JAZF1: variants seen among roughly 807,000 people sequenced by gnomAD.
JAZF1 encodes the protein juxtaposed with another zinc finger protein 1.
JAZF1 carries 8 observed loss-of-function variants against 26.4 expected under a neutral mutation model. The observed-to-expected ratio is 0.30, with a 90% CI of 0.18 to 0.55. JAZF1 has a LOEUF of 0.55. JAZF1 is among the 20% of genes least tolerant of loss of function. The pLI, the probability that JAZF1 is intolerant of heterozygous loss-of-function variation, is 0.94. For missense variants in JAZF1, 199 were observed against 322.0 expected, an observed-to-expected ratio of 0.62 and a Z score of 2.92; for synonymous variants, 126 against 122.3, an observed-to-expected ratio of 1.03 and a Z score of -0.20.
chr7:28,061,495 G>T (rs1401695616), intron 1 of JAZF1, among the ~76,000 whole-genome samples: 1 of 152,108 alleles, frequency 6.6e-6, no homozygotes, highest in African/African-American at 2.4e-5. Flanking sequence ...GGACCAAGAG[G>T]GAGTACAATG....
intron 2 of JAZF1, among the ~76,000 whole-genome samples, chr7:27,914,548 G>C (rs1012009213): frequency 2.0e-5 from 3 of 152,164 alleles, no homozygotes; most frequent in African/African-American, 4.8e-5. Flanking sequence ...ACTGCATTCT[G>C]ATTTTCTCAT....
At chr7:28,106,240 T>C (rs187585658) in intron 1 of JAZF1, among the ~76,000 whole-genome samples, 1 of 152,312 alleles carries the variant, frequency 6.6e-6, no homozygotes, top group East Asian at 1.9e-4. Flanking sequence ...CGAAGAGCAA[T>C]GGTTTTTCTT....
chr7:28,076,320 G>A (rs1300115322), intron 1 of JAZF1, among the ~76,000 whole-genome samples: 3 of 152,156 alleles, frequency 2.0e-5, no homozygotes, highest in Non-Finnish European at 4.4e-5. Flanking sequence ...ACAAATAAAT[G>A]AAAGGTTTGA....
chr7:27,870,487 T>A (rs1032869427), intron 3 of JAZF1, among the ~76,000 whole-genome samples: 4 of 152,120 alleles, frequency 2.6e-5, no homozygotes, highest in African/African-American at 9.7e-5. Flanking sequence ...TCTGATAGAT[T>A]TTAAAACACT....
chr7:28,062,945 A>C (rs926260454), intron 1 of JAZF1, among the ~76,000 whole-genome samples: 1 of 152,190 alleles, frequency 6.6e-6, no homozygotes, highest in Non-Finnish European at 1.5e-5. Flanking sequence ...CTATCCATTA[A>C]AAATATGCCA....
chr7:28,086,050 C>T (rs530784800), intron 1 of JAZF1, among the ~76,000 whole-genome samples: 1 of 152,336 alleles, frequency 6.6e-6, no homozygotes, highest in South Asian at 2.1e-4. Context: ...CTAACCCACA[C>T]TGGGGTTGTA....
At chr7:27,952,415 G>T (rs1785025782) in intron 2 of JAZF1, among the ~76,000 whole-genome samples, 1 of 152,240 alleles carries the variant, frequency 6.6e-6, no homozygotes, top group South Asian at 2.1e-4. Flanking sequence ...AATGTCAATA[G>T]GGGACCTTTC....
intron 2 of JAZF1, among the ~76,000 whole-genome samples, chr7:27,970,610 A>G (rs1199919972): frequency 1.3e-5 from 2 of 152,242 alleles, no homozygotes; most frequent in East Asian, 3.8e-4. Flanking sequence ...ATATTTTGAT[A>G]TCACAGTACG....
intron 3 of JAZF1, among the ~76,000 whole-genome samples, chr7:27,886,605 A>G (rs1026668649): frequency 3.9e-5 from 6 of 152,184 alleles, no homozygotes; most frequent in African/African-American, 1.4e-4. Context: ...GTGTATCTCT[A>G]TATTGTCTTA....
intron 1 of JAZF1, among the ~76,000 whole-genome samples, chr7:28,092,289 G>GC (rs200591757): frequency 0.023 from 68 of 3,006 alleles, 4 homozygotes; most frequent in African/African-American, 0.11. Flanking sequence ...GGGACAAAAG[G>GC]CAAAAAAAAA....
rs185848881 is a variant in JAZF1 at position 27,864,404 on chromosome 7, A to G, written c.386-23537T>C. Among the ~76,000 whole-genome samples the G allele has an allele frequency of 4.1e-3, 621 of 152,314 alleles. 3 individuals are homozygous for G. Among genetic ancestry groups the G allele is most frequent in the Non-Finnish European group, 5.7e-3 (387 of 68,020 alleles). Reference sequence around the variant, plus strand: ...AATCAGTCCCTTTCTCATTAACCCTAGAGTGCCAGGCCCCTTCATCCTTTT... The same window carrying G: ...AATCAGTCCCTTTCTCATTAACCCTGGAGTGCCAGGCCCCTTCATCCTTTT... On this transcript the variant is annotated intron_variant, in intron 3 of 4. Coordinates refer to ENST00000283928, the MANE Select transcript of JAZF1 (RefSeq NM_175061.4).
At position 28,044,263 on chromosome 7, in the gene JAZF1, C is replaced by T. The variant is rs117562835; in HGVS notation, c.116-52282G>A. 5.2e-3 allele frequency among the ~76,000 whole-genome samples: 793 copies of T among 152,310 alleles called. 4 individuals are homozygous for T. The highest frequency in any genetic ancestry group is 0.014 in the Middle Eastern group (4 of 294). ...GTCCATCTGTCCTTCCTTCCTTCCT[C>T]TCAACATTCCTCTCTTCCTCATTCC... is the stretch of plus-strand genomic sequence containing the variant. On this transcript the variant is annotated intron_variant, in intron 1 of 4. Transcript: ENST00000283928.
chr7:28,151,306 T>C (rs956124791), intron 1 of JAZF1, among the ~76,000 whole-genome samples: 1 of 151,836 alleles, frequency 6.6e-6, no homozygotes, highest in East Asian at 2.0e-4. Context: ...GGTTTCACCA[T>C]GTTGCCCAGG....
chr7:27,874,379 C>A (rs1232550047), intron 3 of JAZF1, among the ~76,000 whole-genome samples: 1 of 152,148 alleles, frequency 6.6e-6, no homozygotes, highest in Non-Finnish European at 1.5e-5. Flanking sequence ...CACACCTCTG[C>A]CCTCCTTTGC....
chr7:28,032,206 C>T (rs1783204364), intron 1 of JAZF1, among the ~76,000 whole-genome samples: 1 of 152,126 alleles, frequency 6.6e-6, no homozygotes, highest in Non-Finnish European at 1.5e-5. Flanking sequence ...TTCATGTTTA[C>T]CTTCTCCTTC....
chr7:28,180,589 G>C lies in JAZF1; in HGVS notation c.-12C>G, dbSNP rs554225874. On this transcript the variant is annotated 5_prime_UTR_variant, in exon 1 of 5. Transcript: ENST00000283928. ...GCGATGCCTGTCATGGTGCTACATC[G>C]AGAGCCCCCCTGGTGTCGGCTCTGC... The C allele has an allele frequency of 7.5e-6, 12 of 1,598,118 alleles. No homozygotes were observed. The highest frequency in any genetic ancestry group is 6.8e-5 in the East Asian group (3 of 43,906).
chr7:27,832,143 T>A lies in JAZF1; in HGVS notation c.*657A>T, dbSNP rs1782716489. 1 of 213,302 alleles carries A rather than the reference T, an allele frequency of 4.7e-6. No individual in the cohort carries two copies. Among genetic ancestry groups the A allele is most frequent in the Non-Finnish European group, 9.5e-6 (1 of 105,288 alleles). The allele number at this position is 213,302 out of a possible 1,614,324, so 13.2% of individuals were successfully genotyped here. On this transcript the variant is annotated 3_prime_UTR_variant, in exon 5 of 5. Coordinates refer to ENST00000283928, the MANE Select transcript of JAZF1 (RefSeq NM_175061.4). ...CCATTTATAACACTAAAATGACTAG[T>A]AAGTCAGATGGCAAGATTTTCAGCT...
chr7:27,955,122 T>C lies in JAZF1; in HGVS notation c.188+36787A>G, dbSNP rs1253318992. On this transcript the variant is annotated intron_variant, in intron 2 of 4. Coordinates refer to ENST00000283928, the MANE Select transcript of JAZF1 (RefSeq NM_175061.4). ...ATTAAGTTGCCTGGCCAATAAATTC[T>C]TGTGGTTTGGTCTACATAAATTTCT... Among the ~76,000 whole-genome samples the C allele has an allele frequency of 7.9e-5, 12 of 152,230 alleles. No individual in the cohort carries two copies. In the South Asian group the frequency reaches 1.2e-3, roughly 16 times the overall value.
intron 2 of JAZF1, among the ~76,000 whole-genome samples, chr7:27,970,506 C>A (rs1234588909): frequency 6.6e-6 from 1 of 152,188 alleles, no homozygotes; most frequent in African/African-American, 2.4e-5. Flanking sequence ...TAGCCTGTAA[C>A]CGAAATGTAG....
Sources: gnomAD v4.1 joint callset for allele counts (sites outside exome capture counted in the v4.1 genomes callset) on GRCh38, gnomAD v4.1.1 for gene constraint, MANE v1.5 for transcripts, NCBI Gene and HGNC (gene_info 2026-07-23, HGNC 2026-07-21) for gene names.